Variants in LUZP2 observed in about 807,000 individuals in gnomAD.
The protein encoded by LUZP2 is leucine zipper protein 2.
LUZP2 carries 52 observed loss-of-function variants against 51.6 expected under a neutral mutation model. That is an observed-to-expected ratio of 1.01 (90% confidence interval 0.81 to 1.27). The LOEUF (loss-of-function observed/expected upper bound fraction) is 1.27, where lower values mean the gene tolerates loss of function less well. Among genes scored for constraint, LUZP2 ranks in the 50% most tolerant of loss-of-function variants. The pLI, the probability that LUZP2 is intolerant of heterozygous loss-of-function variation, is 0.00. For missense variants in LUZP2, 436 were observed against 395.4 expected, an observed-to-expected ratio of 1.10 and a Z score of -0.87; for synonymous variants, 154 against 137.3, an observed-to-expected ratio of 1.12 and a Z score of -0.85.
At chr11:24,501,314 T>A (rs1849986151) in intron 1 of LUZP2, among the ~76,000 whole-genome samples, 1 of 152,216 alleles carries the variant, frequency 6.6e-6, no homozygotes, top group African/African-American at 2.4e-5. Flanking sequence ...TCTTTGTGGA[T>A]TAAATTTTCT....
chr11:24,650,481 G>C (rs553878184), intron 1 of LUZP2, among the ~76,000 whole-genome samples: 1 of 152,026 alleles, frequency 6.6e-6, no homozygotes, highest in South Asian at 2.1e-4. Context: ...CATTTTAAAA[G>C]ATTCCGAAGA....
intron 5 of LUZP2, among the ~76,000 whole-genome samples, chr11:24,878,189 G>C (rs750658046): frequency 4.8e-5 from 7 of 147,154 alleles, no homozygotes; most frequent in African/African-American, 7.5e-5. Flanking sequence ...TTTTCTTTCA[G>C]ATTGAAGAAC....
chr11:24,668,985 G>A (rs898107703), intron 1 of LUZP2, among the ~76,000 whole-genome samples: 4 of 152,002 alleles, frequency 2.6e-5, no homozygotes, highest in East Asian at 3.8e-4. Context: ...TTCAGTAAAC[G>A]GCTTTTTCCT....
Position 24,521,140 on chromosome 11 carries a change from C to G in LUZP2, c.62+23835C>G, listed in dbSNP as rs566799496. ...CCAAGGTGTGCGGATCACCTGAGGT[C>G]AGAAGTTTGGGACCAGCTTAGCCAA... On this transcript the variant is annotated intron_variant, in intron 1 of 11. Coordinates refer to ENST00000336930, the MANE Select transcript of LUZP2 (RefSeq NM_001009909.4). Among the ~76,000 whole-genome samples the G allele has an allele frequency of 2.6e-5, 4 of 152,190 alleles. No homozygotes were observed. In the South Asian group the frequency reaches 8.3e-4, roughly 32 times the overall value.
chr11:24,564,417 T>C (rs958190649), intron 1 of LUZP2, among the ~76,000 whole-genome samples: 2 of 152,312 alleles, frequency 1.3e-5, no homozygotes, highest in African/African-American at 4.8e-5. Context: ...GGCAAATTAC[T>C]ATCACAAAAA....
At chr11:24,942,250 CAT>C (rs1342061296) in intron 7 of LUZP2, among the ~76,000 whole-genome samples, 1 of 152,072 alleles carries the variant, frequency 6.6e-6, no homozygotes, top group African/African-American at 2.4e-5. Flanking sequence ...ATAGTCAGGG[CAT>C]ATGTTATTTT....
intron 9 of LUZP2, among the ~76,000 whole-genome samples, chr11:25,002,340 G>A (rs555387149): frequency 6.6e-5 from 10 of 152,122 alleles, no homozygotes; most frequent in Admixed American, 5.2e-4. Context: ...AGATCATCTC[G>A]GGCAGCATAA....
intron 1 of LUZP2, among the ~76,000 whole-genome samples, chr11:24,721,200 A>G (rs1282254364): frequency 2.0e-5 from 3 of 152,198 alleles, no homozygotes; most frequent in Non-Finnish European, 2.9e-5. Context: ...AGCATAGTAA[A>G]TGTGGGAAGG....
chr11:24,550,653 A>G (rs1463649901), intron 1 of LUZP2, among the ~76,000 whole-genome samples: 2 of 152,048 alleles, frequency 1.3e-5, no homozygotes, highest in African/African-American at 2.4e-5. Context: ...CAATGGATCT[A>G]TTTTTGTCTT....
intron 5 of LUZP2, among the ~76,000 whole-genome samples, chr11:24,785,374 G>A (rs1167343081): frequency 1.3e-5 from 2 of 151,902 alleles, no homozygotes; most frequent in East Asian, 3.9e-4. Flanking sequence ...TATGATTAAT[G>A]GTGTGTTAAA....
At chr11:25,070,420 A>G (rs1391272250) in intron 10 of LUZP2, among the ~76,000 whole-genome samples, 2 of 151,966 alleles carry the variant, frequency 1.3e-5, no homozygotes, top group South Asian at 2.1e-4. Flanking sequence ...CAACTGACAA[A>G]CCAGGCCCAT....
intron 1 of LUZP2, among the ~76,000 whole-genome samples, chr11:24,591,637 G>T (rs1465965193): frequency 6.6e-6 from 1 of 152,030 alleles, no homozygotes; most frequent in African/African-American, 2.4e-5. Context: ...AAAACCTAGG[G>T]CCTGGTCACA....
intron 3 of LUZP2, among the ~76,000 whole-genome samples, chr11:24,734,371 GAA>G (rs11325413): frequency 6.6e-6 from 1 of 151,082 alleles, no homozygotes; most frequent in Non-Finnish European, 1.5e-5. Flanking sequence ...CAAAAATCAG[GAA>G]AAAAAAATGT....
chr11:24,579,942 T>C (rs576276446), intron 1 of LUZP2, among the ~76,000 whole-genome samples: 2 of 152,242 alleles, frequency 1.3e-5, no homozygotes, highest in South Asian at 2.1e-4. Flanking sequence ...AATTATACTA[T>C]GTTCATGGAA....
chr11:24,807,439 C>T (rs1007317304), intron 5 of LUZP2, among the ~76,000 whole-genome samples: 5 of 142,854 alleles, frequency 3.5e-5, no homozygotes, highest in Non-Finnish European at 6.0e-5. Flanking sequence ...CCAGCCTGGG[C>T]GACAGAGTAA....
chr11:24,931,914 G>A (rs886101198), intron 7 of LUZP2, among the ~76,000 whole-genome samples: 2 of 152,056 alleles, frequency 1.3e-5, no homozygotes, highest in Non-Finnish European at 2.9e-5. Flanking sequence ...TGGGGTTCAG[G>A]GGTTACTGTT....
intron 1 of LUZP2, among the ~76,000 whole-genome samples, chr11:24,574,345 C>T (rs1163467844): frequency 1.0e-5 from 1 of 98,538 alleles, no homozygotes; most frequent in Admixed American, 1.5e-4. Context: ...TTGCTTCCTT[C>T]CTTTCCTCCC....
intron 1 of LUZP2, among the ~76,000 whole-genome samples, chr11:24,604,722 C>A (rs59762376): frequency 1.3e-5 from 2 of 151,512 alleles, no homozygotes; most frequent in Admixed American, 6.6e-5. Flanking sequence ...TGAAATGAAG[C>A]GAACAAGGAG....
intron 1 of LUZP2, among the ~76,000 whole-genome samples, chr11:24,658,663 G>A (rs1180021335): frequency 2.0e-5 from 3 of 152,068 alleles, no homozygotes; most frequent in Non-Finnish European, 2.9e-5. Flanking sequence ...GAAAATTTTT[G>A]CAATCTACTC....
Sources: allele counts gnomAD v4.1 joint callset (sites outside exome capture counted in the v4.1 genomes callset), GRCh38; gene constraint gnomAD v4.1.1; transcripts MANE v1.5; gene names NCBI Gene and HGNC (gene_info 2026-07-23, HGNC 2026-07-21).